The following ANKS1B variants were observed in gnomAD, a reference collection of about 807,000 sequenced individuals.
ANKS1B encodes ankyrin repeat and sterile alpha motif domain containing 1B, also known as ankyrin repeat and sterile alpha motif domain-containing protein 1B.
ANKS1B carries 36 observed loss-of-function variants against 148.3 expected under a neutral mutation model. That is an observed-to-expected ratio of 0.24 (90% CI 0.19 to 0.32). The LOEUF (loss-of-function observed/expected upper bound fraction) is 0.32. Ranked by LOEUF, ANKS1B falls within the 10% of genes least tolerant of loss-of-function variation. ANKS1B has a pLI of 1.00. For missense variants in ANKS1B, 1,157 were observed against 1,542.6 expected, an observed-to-expected ratio of 0.75 and a Z score of 4.19; for synonymous variants, 542 against 560.8, an observed-to-expected ratio of 0.97 and a Z score of 0.47.
intron 16 of ANKS1B, among the ~76,000 whole-genome samples, chr12:99,058,996 CAAAGTGCTGGGATT>C (rs2041385246): frequency 1.2e-5 from 1 of 82,694 alleles, no homozygotes; most frequent in Non-Finnish European, 2.5e-5. Context: ...CTCGGCCTCC[CAAAGTGCTGGGATT>C]ACAGGCGTGA....
chr12:99,414,230 A>G (rs919054745), intron 11 of ANKS1B, among the ~76,000 whole-genome samples: 12 of 152,194 alleles, frequency 7.9e-5, no homozygotes, highest in African/African-American at 2.9e-4. Context: ...CTCAGCCTAC[A>G]TAAACTTTTC....
chr12:99,084,839 T>C (rs1007186966), intron 16 of ANKS1B, 86 bp downstream of exon 16: 7 of 1,024,774 alleles, frequency 6.8e-6, no homozygotes, highest in African/African-American at 4.8e-5. Context: ...AGAACTACTG[T>C]ACTAAATACA....
chr12:99,695,930 G>A (rs1157599487), intron 8 of ANKS1B, among the ~76,000 whole-genome samples: 1 of 152,018 alleles, frequency 6.6e-6, no homozygotes, highest in Non-Finnish European at 1.5e-5. Context: ...AGACACTGGG[G>A]ACTACTAGAG....
At chr12:99,880,971 T>C (rs1402380443) in intron 1 of ANKS1B, among the ~76,000 whole-genome samples, 2 of 152,206 alleles carry the variant, frequency 1.3e-5, no homozygotes, top group East Asian at 3.8e-4. Flanking sequence ...TTGGGAAGGA[T>C]GGTAAAACCT....
chr12:98,829,876 G>C lies in ANKS1B; in HGVS notation c.2887-523C>G, dbSNP rs572848070. Among the ~76,000 whole-genome samples the C allele has an allele frequency of 6.6e-6, 1 of 152,302 alleles. No homozygotes were observed. The highest frequency in any genetic ancestry group is 1.5e-5 in the Non-Finnish European group (1 of 68,022). The stretch of plus-strand genomic sequence containing the variant: ...GCTACGACAGAGGATGCTTTTCCAA[G>C]GCAAAGACAACTCCATCCAAGGGAA... On this transcript the variant is annotated intron_variant, in intron 18 of 26. Coordinates refer to ENST00000683438, the MANE Select transcript of ANKS1B (RefSeq NM_001352186.2). This position sits in a 1 kb window ranked among gnomAD's most constrained non-coding sequence, Gnocchi z 5.2.
chr12:99,834,978 T>C (rs1391383262), intron 1 of ANKS1B, among the ~76,000 whole-genome samples: 2 of 152,192 alleles, frequency 1.3e-5, no homozygotes, highest in African/African-American at 4.8e-5. Flanking sequence ...CATTTTTGGA[T>C]GAACTGGACA....
chr12:99,157,973 C>T (rs1317407425), intron 14 of ANKS1B, among the ~76,000 whole-genome samples: 2 of 151,904 alleles, frequency 1.3e-5, no homozygotes, highest in South Asian at 2.1e-4. Context: ...GTATTCAATC[C>T]TTCAATTTTT....
chr12:99,454,694 T>A (rs906631436), intron 10 of ANKS1B, among the ~76,000 whole-genome samples: 1 of 152,204 alleles, frequency 6.6e-6, no homozygotes, highest in Non-Finnish European at 1.5e-5. Context: ...AGGAGAAATG[T>A]TTCCTTGTCT....
chr12:99,149,431 C>T (rs558001624), intron 15 of ANKS1B, among the ~76,000 whole-genome samples: 7 of 152,192 alleles, frequency 4.6e-5, no homozygotes, highest in African/African-American at 1.7e-4. Flanking sequence ...TGCTATCCAC[C>T]CAAGTGTATG....
At position 99,839,499 on chromosome 12, in the gene ANKS1B, C is replaced by T. The variant is rs182613080; in HGVS notation, c.135-14110G>A. 3.0e-4 allele frequency among the ~76,000 whole-genome samples: 45 copies of T among 152,100 alleles called. 1 individual carries two copies. The Middle Eastern group carries it at 0.01, about 34-fold the overall frequency. Reference sequence around the variant, plus strand: ...AAAAATATAAGTATTAAATATACTACGCAATCCACAGAAGGTACTTATTAA... The same window carrying T: ...AAAAATATAAGTATTAAATATACTATGCAATCCACAGAAGGTACTTATTAA... On this transcript the variant is annotated intron_variant, in intron 1 of 26. Coordinates refer to ENST00000683438, the MANE Select transcript of ANKS1B (RefSeq NM_001352186.2).
chr12:99,952,399 G>A (rs928548199), intron 1 of ANKS1B, among the ~76,000 whole-genome samples: 1 of 151,848 alleles, frequency 6.6e-6, no homozygotes, highest in African/African-American at 2.4e-5. Context: ...AATTTTTTAT[G>A]TTAGTTCATA....
chr12:99,787,672 C>A lies in ANKS1B; in HGVS notation c.670-5575G>T, dbSNP rs116470202. On this transcript the variant is annotated intron_variant, in intron 4 of 26. Coordinates refer to ENST00000683438, the MANE Select transcript of ANKS1B (RefSeq NM_001352186.2). Reference sequence around the variant, plus strand: ...TCACAAGAACCAAAAATCAAGTGAACAATCACAGTATCTGGTTTTAACTTC... The same window carrying A: ...TCACAAGAACCAAAAATCAAGTGAAAAATCACAGTATCTGGTTTTAACTTC... Among the ~76,000 whole-genome samples, 485 of 152,308 alleles carry A rather than the reference C, an allele frequency of 3.2e-3. 2 individuals are homozygous for A. Among genetic ancestry groups the A allele is most frequent in the African/African-American group, 0.011 (459 of 41,564 alleles).
rs2098091932 is a variant in ANKS1B at position 98,751,612 on chromosome 12, G to C, written c.3580-90C>G. The C allele has an allele frequency of 3.1e-6, 4 of 1,283,808 alleles. No homozygotes were observed. Among genetic ancestry groups the C allele is most frequent in the Non-Finnish European group, 4.4e-6 (4 of 905,308 alleles). The allele number at this position is 1,283,808 out of a possible 1,614,324, so 79.5% of individuals were successfully genotyped here. A position where few individuals can be genotyped will look rare whatever the true frequency, so the allele number is the denominator to read the frequency against. ...GAGGAACACTGAGGGAGGTGAACTA[G>C]GGAGGAACTTGAACTACTTCACCAG... On this transcript the variant is annotated intron_variant, in intron 25 of 26. Transcript: ENST00000683438. The surrounding 1 kb of genome is among the most constrained non-coding windows in gnomAD (Gnocchi z 4.3).
chr12:99,952,063 T>C (rs1197234774), intron 1 of ANKS1B, among the ~76,000 whole-genome samples: 1 of 152,166 alleles, frequency 6.6e-6, no homozygotes, highest in African/African-American at 2.4e-5. Flanking sequence ...ATATGTACAA[T>C]TATATGTCAG....
chr12:99,958,556 T>C (rs915583935), intron 1 of ANKS1B, among the ~76,000 whole-genome samples: 5 of 152,120 alleles, frequency 3.3e-5, no homozygotes, highest in Admixed American at 6.5e-5. Flanking sequence ...CTAATTTTTT[T>C]GTATTGTTAG....
chr12:98,800,911 G>T, intron 21 of ANKS1B, 86 bp downstream of exon 21: 3 of 1,436,618 alleles, frequency 2.1e-6, no homozygotes, highest in East Asian at 2.4e-5. Flanking sequence ...GGATATTTTG[G>T]TATATTTTCA....
intron 1 of ANKS1B, among the ~76,000 whole-genome samples, chr12:99,979,671 T>C (rs1231612255): frequency 6.6e-6 from 1 of 152,014 alleles, no homozygotes; most frequent in East Asian, 1.9e-4. Context: ...AAACAAGCCA[T>C]AATAAAGTAG....
chr12:99,697,676 G>A (rs1358785745), intron 8 of ANKS1B, among the ~76,000 whole-genome samples: 2 of 151,994 alleles, frequency 1.3e-5, no homozygotes, highest in African/African-American at 2.4e-5. Context: ...ATGACATTAT[G>A]GATTTGTCAA....
chr12:99,095,755 C>T (rs2055836646), intron 15 of ANKS1B, among the ~76,000 whole-genome samples: 1 of 152,016 alleles, frequency 6.6e-6, no homozygotes. Context: ...TAAAGAATAG[C>T]AGAGAAGGGA....
Sources: gnomAD v4.1 joint callset for allele counts (sites outside exome capture counted in the v4.1 genomes callset) on GRCh38, gnomAD v4.1.1 for gene constraint, Gnocchi (gnomAD v3.1) non-coding constraint, MANE v1.5 for transcripts, NCBI Gene and HGNC (gene_info 2026-07-23, HGNC 2026-07-21) for gene names.